EPS8: variants seen among roughly 807,000 people sequenced by gnomAD.
The protein encoded by EPS8 is epidermal growth factor receptor kinase substrate 8.
Under a neutral mutation model 103.8 loss-of-function variants are expected in EPS8, and 42 were observed. The ratio of observed to expected loss-of-function variants is 0.40; its 90% CI spans 0.32 to 0.52. The LOEUF (loss-of-function observed/expected upper bound fraction) is 0.52, where lower values mean the gene tolerates loss of function less well. Ranked by LOEUF, EPS8 falls within the 20% of genes least tolerant of loss-of-function variation. EPS8 has a pLI of 0.40. For missense variants in EPS8, 969 were observed against 1,005.1 expected, an observed-to-expected ratio of 0.96 and a Z score of 0.49; for synonymous variants, 344 against 344.6, an observed-to-expected ratio of 1.00 and a Z score of 0.02.
chr12:15,734,435 C>T lies in EPS8; in HGVS notation c.-21-51463G>A, dbSNP rs1946747385. On this transcript the variant is annotated intron_variant, in intron 1 of 20. Transcript: ENST00000281172. The surrounding 1 kb of genome is among the most constrained non-coding windows in gnomAD (Gnocchi z 4.1). The stretch of plus-strand genomic sequence containing the variant: ...TGTGGTTGGGCACGGTGGCTCACAC[C>T]TGTAATCCCAGCACTTTGGGAGGCT... 1.3e-5 allele frequency among the ~76,000 whole-genome samples: 2 copies of T among 152,120 alleles called. No individual in the cohort carries two copies. The highest frequency in any genetic ancestry group is 2.4e-5 in the African/African-American group (1 of 41,428).
Position 15,745,833 on chromosome 12 carries a change from G to C in EPS8, c.-22+43328C>G, listed in dbSNP as rs2136012442. On this transcript the variant is annotated intron_variant, in intron 1 of 20. Coordinates refer to ENST00000281172, the MANE Select transcript of EPS8 (RefSeq NM_004447.6). This position sits in a 1 kb window ranked among gnomAD's most constrained non-coding sequence, Gnocchi z 4.6. ...TACATGTAAGTTTAAAACAACAAAG[G>C]ATGAATGACCAGGGCAAATACGTTG... Among the ~76,000 whole-genome samples, 1 of 152,248 alleles carries C rather than the reference G, an allele frequency of 6.6e-6. No individual in the cohort carries two copies. The highest frequency in any genetic ancestry group is 2.4e-5 in the African/African-American group (1 of 41,542).
Position 15,693,714 on chromosome 12 carries a change from A to G in EPS8, c.-21-10742T>C, listed in dbSNP as rs1946204873. On this transcript the variant is annotated intron_variant, in intron 1 of 20. Coordinates refer to ENST00000281172, the MANE Select transcript of EPS8 (RefSeq NM_004447.6). The surrounding 1 kb of genome is among the most constrained non-coding windows in gnomAD (Gnocchi z 5.6). ...CCACCATGGAATACTATGCAGCCAT[A>G]AAAAGGAATGAAAACATGTCCTTTG... Among the ~76,000 whole-genome samples the G allele has an allele frequency of 6.6e-6, 1 of 152,224 alleles. No homozygotes were observed. The highest frequency in any genetic ancestry group is 2.1e-4 in the South Asian group (1 of 4,834).
At position 15,713,761 on chromosome 12, in the gene EPS8, T is replaced by C. The variant is rs908066883; in HGVS notation, c.-21-30789A>G. 6.6e-6 allele frequency among the ~76,000 whole-genome samples: 1 copy of C among 152,154 alleles called. No individual in the cohort carries two copies. Among genetic ancestry groups the C allele is most frequent in the East Asian group, 1.9e-4 (1 of 5,194 alleles). On this transcript the variant is annotated intron_variant, in intron 1 of 20. Coordinates refer to ENST00000281172, the MANE Select transcript of EPS8 (RefSeq NM_004447.6). This position sits in a 1 kb window ranked among gnomAD's most constrained non-coding sequence, Gnocchi z 4.8. The stretch of plus-strand genomic sequence containing the variant: ...GTCTATCCTCATAGTTAAAAAATGG[T>C]GTCGGGGAGGAGAAATTCACTCATA...
intron 1 of EPS8, among the ~76,000 whole-genome samples, chr12:15,753,271 A>T (rs1946952137): frequency 1.3e-5 from 2 of 152,290 alleles, no homozygotes; most frequent in Middle Eastern, 6.8e-3. Flanking sequence ...AATTAAGTAA[A>T]ATTGTAAGAA....
At position 15,706,734 on chromosome 12, in the gene EPS8, T is replaced by C. The variant is rs149050211; in HGVS notation, c.-21-23762A>G. Among the ~76,000 whole-genome samples the C allele has an allele frequency of 6.7e-3, 1,022 of 152,328 alleles. 7 individuals carry two copies. The highest frequency in any genetic ancestry group is 0.012 in the Non-Finnish European group (814 of 68,032). On this transcript the variant is annotated intron_variant, in intron 1 of 20. Coordinates refer to ENST00000281172, the MANE Select transcript of EPS8 (RefSeq NM_004447.6). The surrounding 1 kb of genome is among the most constrained non-coding windows in gnomAD (Gnocchi z 5.2). ...AGAATTTTCTGTTCTTTATATTTTA[T>C]GTTTTTTTTTACAACTTATCCAAAG...
In EPS8 at chr12:15,727,501, C is replaced by T. The variant is rs1235078707; in HGVS notation, c.-21-44529G>A. Among the ~76,000 whole-genome samples, 1 of 152,188 alleles carries T rather than the reference C, an allele frequency of 6.6e-6. No individual in the cohort carries two copies. Among genetic ancestry groups the T allele is most frequent in the Non-Finnish European group, 1.5e-5 (1 of 68,038 alleles). Reference sequence around the variant, plus strand: ...TACTAATAAATTTAACTTAAGACAACTGACCCATTGCTACAACTTTTGTAA... The same window carrying T: ...TACTAATAAATTTAACTTAAGACAATTGACCCATTGCTACAACTTTTGTAA... On this transcript the variant is annotated intron_variant, in intron 1 of 20. Coordinates refer to ENST00000281172, the MANE Select transcript of EPS8 (RefSeq NM_004447.6). This position sits in a 1 kb window ranked among gnomAD's most constrained non-coding sequence, Gnocchi z 4.3.
At chr12:15,633,059 G>A (rs73309198) in intron 17 of EPS8, among the ~76,000 whole-genome samples, 9,759 of 152,154 alleles carry the variant, frequency 0.064, 627 homozygotes, top group African/African-American at 0.17. Context: ...GAAGGAGGGA[G>A]TAAAGGGTAA....
chr12:15,657,860 G>C, intron 12 of EPS8: 1 of 488,662 alleles, frequency 2.0e-6, no homozygotes, highest in South Asian at 2.2e-5. Context: ...CACTGTCAGA[G>C]ATACCAGTTT....
At chr12:15,625,374 C>T (rs1339043519) in intron 18 of EPS8, among the ~76,000 whole-genome samples, 1 of 152,148 alleles carries the variant, frequency 6.6e-6, no homozygotes, top group Non-Finnish European at 1.5e-5. Context: ...TGCAAACATG[C>T]TATTATTTTA....
intron 1 of EPS8, among the ~76,000 whole-genome samples, chr12:15,766,460 T>C (rs1031911538): frequency 1.3e-5 from 2 of 149,756 alleles, no homozygotes; most frequent in African/African-American, 4.9e-5. Flanking sequence ...ATTGCGCCAC[T>C]GCACTCCAGC....
intron 1 of EPS8, among the ~76,000 whole-genome samples, chr12:15,719,356 A>C (rs1259775161): frequency 6.6e-6 from 1 of 152,206 alleles, no homozygotes; most frequent in East Asian, 1.9e-4. Context: ...ACAGTTGTTA[A>C]AATGATATAG....
chr12:15,649,933 C>T (rs1945382764), intron 14 of EPS8, among the ~76,000 whole-genome samples: 2 of 152,110 alleles, frequency 1.3e-5, no homozygotes, highest in African/African-American at 4.8e-5. Context: ...AAGATCTAGT[C>T]ATCATTTACT....
rs1165349942 is a variant in EPS8 at position 15,717,903 on chromosome 12, A to G, written c.-21-34931T>C. On this transcript the variant is annotated intron_variant, in intron 1 of 20. Transcript: ENST00000281172. The surrounding 1 kb of genome is among the most constrained non-coding windows in gnomAD (Gnocchi z 4.3). ...TATTTGATTATGGATTTTAAATGTC[A>G]CTTTCAACCTAGAAATCACTGTACA... 1.3e-5 allele frequency among the ~76,000 whole-genome samples: 2 copies of G among 152,242 alleles called. No homozygotes were observed. Among genetic ancestry groups the G allele is most frequent in the African/African-American group, 4.8e-5 (2 of 41,460 alleles).
At chr12:15,707,234 A>G (rs1946399320) in intron 1 of EPS8, among the ~76,000 whole-genome samples, 1 of 152,204 alleles carries the variant, frequency 6.6e-6, no homozygotes, top group African/African-American at 2.4e-5. Context: ...GTAAAGAGCC[A>G]GGTTATAAAT....
At position 15,752,677 on chromosome 12, in the gene EPS8, G is replaced by A. The variant is rs1946945979; in HGVS notation, c.-22+36484C>T. 6.6e-6 allele frequency among the ~76,000 whole-genome samples: 1 copy of A among 152,020 alleles called. No homozygotes were observed. ...ATGATTTCCCTTCTCCTGCTCAGGA[G>A]GTAGAGGAGATGGGCCTGAGAAGTT... On this transcript the variant is annotated intron_variant, in intron 1 of 20. Transcript: ENST00000281172. The surrounding 1 kb of genome is among the most constrained non-coding windows in gnomAD (Gnocchi z 4.4).
chr12:15,773,657 C>T (rs1184375835), intron 1 of EPS8, among the ~76,000 whole-genome samples: 1 of 152,066 alleles, frequency 6.6e-6, no homozygotes, highest in Non-Finnish European at 1.5e-5. Flanking sequence ...ATTAACAAGT[C>T]TAGCTGACAT....
Position 15,640,810 on chromosome 12 carries a change from T to G in EPS8, c.1714A>C (p.Asn572His). 6.2e-7 allele frequency: 1 copy of G among 1,613,952 alleles called. No homozygotes were observed. Among genetic ancestry groups the G allele is most frequent in the Non-Finnish European group, 8.5e-7 (1 of 1,179,882 alleles). The change falls in exon 17 of 21, where the codon AAT becomes CAT. Residue 572 changes from asparagine (N) to histidine (H), a missense_variant. By Grantham distance (68) the Asn-to-His change is moderately conservative (BLOSUM62 1). Transcript: ENST00000281172. Reference sequence around the variant, plus strand: ...ACAAATCCAGAGTCTCCACTTGCATTTCGAACTTTCCACCATTGCTTCCGA... The same window carrying G: ...ACAAATCCAGAGTCTCCACTTGCATGTCGAACTTTCCACCATTGCTTCCGA... ...DDRKQWWKVR[N>H]ASGDSGFVPN... is the part of the protein sequence containing the mutation.
At position 15,655,278 on chromosome 12, in the gene EPS8, C is replaced by T. The variant is rs1288611862; in HGVS notation, c.1102-985G>A. On this transcript the variant is annotated intron_variant, in intron 12 of 20. Transcript: ENST00000281172. Reference sequence around the variant, plus strand: ...CTCCGATGTACCACTCCCCAGCCTGCGTCCTCTAAACAATTTATGCATATT... The same window carrying T: ...CTCCGATGTACCACTCCCCAGCCTGTGTCCTCTAAACAATTTATGCATATT... Among the ~76,000 whole-genome samples, 4 of 152,174 alleles carry T rather than the reference C, an allele frequency of 2.6e-5. No individual in the cohort carries two copies. In the East Asian group the frequency reaches 5.8e-4, roughly 22 times the overall value.
intron 4 of EPS8, among the ~76,000 whole-genome samples, 164 bp downstream of exon 4, chr12:15,670,692 A>T (rs539613044): frequency 1.8e-4 from 27 of 152,276 alleles, no homozygotes; most frequent in African/African-American, 6.0e-4. Context: ...CAGACTAACA[A>T]GATACTTTAT....
Sources: gnomAD v4.1 joint callset for allele counts (sites outside exome capture counted in the v4.1 genomes callset) on GRCh38, gnomAD v4.1.1 for gene constraint, Gnocchi (gnomAD v3.1) non-coding constraint, MANE v1.5 for transcripts, NCBI Gene and HGNC (gene_info 2026-07-23, HGNC 2026-07-21) for gene names.